Variants in TBRG1 observed in about 807,000 individuals in gnomAD.
The protein encoded by TBRG1 is nuclear interactor of ARF and MDM2.
A neutral mutation model predicts 44.0 loss-of-function variants in TBRG1; 31 were observed. That is an observed-to-expected ratio of 0.70 (90% CI 0.53 to 0.95). The LOEUF (loss-of-function observed/expected upper bound fraction) is 0.95. TBRG1 is among the 40% of genes least tolerant of loss of function. TBRG1 has a pLI of 0.00. For synonymous variants in TBRG1, 171 were observed against 188.1 expected, an observed-to-expected ratio of 0.91 and a Z score of 0.74; for missense variants, 487 against 496.1, an observed-to-expected ratio of 0.98 and a Z score of 0.18.
At chr11:124,629,047 A>G (rs1376268284) in intron 5 of TBRG1, among the ~76,000 whole-genome samples, 1 of 152,254 alleles carries the variant, frequency 6.6e-6, no homozygotes, top group East Asian at 1.9e-4. Context: ...CTTCAAGACT[A>G]AAGTATAACA....
intron 1 of TBRG1, 50 bp from the exon 2 acceptor site, chr11:124,624,879 ATG>A: frequency 8.6e-7 from 1 of 1,165,578 alleles, no homozygotes; most frequent in Non-Finnish European, 1.2e-6. Flanking sequence ...CAGCATAATA[ATG>A]TGATTTTTTT....
chr11:124,627,097 G>A (rs1414361075), intron 5 of TBRG1, 47 bp downstream of exon 5: 1 of 1,267,014 alleles, frequency 7.9e-7, no homozygotes, highest in East Asian at 2.5e-5. Context: ...AACCTTCTCT[G>A]TGCTAGGATA....
chr11:124,626,004 A>C lies in TBRG1; in HGVS notation c.454+101A>C, dbSNP rs531509413. 16 of 1,418,090 alleles carry C rather than the reference A, an allele frequency of 1.1e-5. No individual in the cohort carries two copies. The African/African-American group carries it at 1.7e-4, about 15-fold the overall frequency. 87.8% of individuals were successfully genotyped at this position (1,418,090 alleles called of 1,614,324 possible). A position where few individuals can be genotyped will look rare whatever the true frequency, so the allele number is the denominator to read the frequency against. On this transcript the variant is annotated intron_variant, in intron 3 of 8. Transcript: ENST00000441174. Reference sequence around the variant, plus strand: ...GACACACACAGCTGCAGATGTACTTAGAGTCTCATCTGGTTCTTAAGGAGC... The same window carrying C: ...GACACACACAGCTGCAGATGTACTTCGAGTCTCATCTGGTTCTTAAGGAGC...
intron 7 of TBRG1, 93 bp downstream of exon 7, chr11:124,630,948 T>A: frequency 4.2e-6 from 4 of 951,416 alleles, no homozygotes; most frequent in Non-Finnish European, 6.6e-6. Flanking sequence ...ACCTTCTGTG[T>A]CCAAAGCCTG....
At chr11:124,624,547 A>G (rs1942413720) in intron 1 of TBRG1, among the ~76,000 whole-genome samples, 1 of 152,152 alleles carries the variant, frequency 6.6e-6, no homozygotes, top group Admixed American at 6.5e-5. Flanking sequence ...TTTCATATTT[A>G]TAGTATTTAA....
At chr11:124,627,974 T>G (rs1204541185) in intron 5 of TBRG1, among the ~76,000 whole-genome samples, 1 of 150,444 alleles carries the variant, frequency 6.6e-6, no homozygotes, top group Non-Finnish European at 1.5e-5. Flanking sequence ...TTTTCTTTTT[T>G]AGGTCATTAA....
In TBRG1 at chr11:124,624,953, A is replaced by G; in HGVS notation, c.173A>G (p.Glu58Gly). The G allele has an allele frequency of 1.3e-6, 2 of 1,548,300 alleles. No individual in the cohort carries two copies. The highest frequency in any genetic ancestry group is 1.2e-5 in the South Asian group (1 of 83,134). ...AAGGAAAATGCTGCTATTTGTGATG[A>G]AATTGCTCGTCTTGAGGAAAAATTT... ...TVFENAAICD[E>G]IARLEEKFLK... Residue 58 changes from glutamate (E) to glycine (G), a missense_variant, in exon 2 of 9, where the codon GAA (glutamate) becomes GGA (glycine). By Grantham distance (98) the Glu-to-Gly change is moderately conservative. Transcript: ENST00000441174.
Position 124,630,453 on chromosome 11 carries a change from T to G in TBRG1, c.804T>G (p.His268Gln). 1 of 1,613,824 alleles carries G rather than the reference T, an allele frequency of 6.2e-7. No homozygotes were observed. The highest frequency in any genetic ancestry group is 1.1e-5 in the South Asian group (1 of 91,078). The stretch of plus-strand genomic sequence containing the variant: ...TCAGCTCTTCTGCAGATGCTTGTCA[T>G]GCAGAACTGCTCAGGACTATAAGCA... ...AIVSSSADAC[H>Q]AELLRTISTT... is the part of the protein sequence containing the mutation. Residue 268 changes from histidine to glutamine, a missense_variant, in exon 6 of 9, where the codon CAT (histidine) becomes CAG (glutamine). Coordinates refer to ENST00000441174, the MANE Select transcript of TBRG1 (RefSeq NM_032811.3).
rs1942673003 is a variant in TBRG1, at chr11:124,634,279, G to A, written c.*2041G>A. The A allele has an allele frequency of 6.6e-6, 1 of 152,384 alleles. No individual in the cohort carries two copies. Among genetic ancestry groups the A allele is most frequent in the Admixed American group, 6.5e-5 (1 of 15,294 alleles). 9.4% of individuals were successfully genotyped at this position (152,384 alleles called of 1,614,324 possible). On this transcript the variant is annotated 3_prime_UTR_variant, in exon 9 of 9. Transcript: ENST00000441174. Reference sequence around the variant, plus strand: ...GAACCCGGGAGGCAGAGGTTGCAGTGAGCCGAGACCGCGCCACTGCACTCC... The same window carrying A: ...GAACCCGGGAGGCAGAGGTTGCAGTAAGCCGAGACCGCGCCACTGCACTCC...
At position 124,632,378 on chromosome 11, in the gene TBRG1, T is replaced by A; in HGVS notation, c.*140T>A. 1.7e-6 allele frequency: 1 copy of A among 587,174 alleles called. No individual in the cohort carries two copies. The highest frequency in any genetic ancestry group is 2.8e-6 in the Non-Finnish European group (1 of 353,902). The allele number at this position is 587,174 out of a possible 1,614,324, so 36.4% of individuals were successfully genotyped here. On this transcript the variant is annotated 3_prime_UTR_variant, in exon 9 of 9. Transcript: ENST00000441174. ...TTCATCATGGAAGGTCCTGTGGTGATGGTTTTCCCTGGGAAAACCTTCAGC... is the reference window on the plus strand; with the variant it reads ...TTCATCATGGAAGGTCCTGTGGTGAAGGTTTTCCCTGGGAAAACCTTCAGC...
In TBRG1 at chr11:124,622,999, C is replaced by G; in HGVS notation, c.-85C>G. 2.9e-6 allele frequency: 4 copies of G among 1,391,920 alleles called. No homozygotes were observed. The highest frequency in any genetic ancestry group is 1.5e-5 in the South Asian group (1 of 67,132). The allele number at this position is 1,391,920 out of a possible 1,614,324, so 86.2% of individuals were successfully genotyped here. A position where few individuals can be genotyped will look rare whatever the true frequency, so the allele number is the denominator to read the frequency against. The stretch of plus-strand genomic sequence containing the variant: ...GAGGCCCGATTCCGCTAGCCCGGAA[C>G]AGACAAAGCCAGCGCTCCCGCCCGC... On this transcript the variant is annotated 5_prime_UTR_variant, in exon 1 of 9. Coordinates refer to ENST00000441174, the MANE Select transcript of TBRG1 (RefSeq NM_032811.3).
intron 1 of TBRG1, among the ~76,000 whole-genome samples, chr11:124,623,665 G>C (rs1258959421): frequency 1.3e-5 from 2 of 152,276 alleles, no homozygotes; most frequent in African/African-American, 2.4e-5. Flanking sequence ...AGATAAACCT[G>C]ATTCCGTTTT....
rs1942475524 is a variant in TBRG1, at chr11:124,626,583, G to T, written c.565G>T (p.Gly189Cys). Residue 189 changes from glycine to cysteine, a missense_variant, in exon 4 of 9, where the codon GGT becomes TGT. Gly to Cys is a radical substitution (Grantham distance 159, BLOSUM62 -3). Coordinates refer to ENST00000441174, the MANE Select transcript of TBRG1 (RefSeq NM_032811.3). ...GCCTGTGTTCCCCATCGGACTAGGG[G>T]GTCTAACAGTATATAGCCTGGGGGA... ...GRPVFPIGLG[G>C]LTVYSLGEII... 6.4e-7 allele frequency: 1 copy of T among 1,551,606 alleles called. No homozygotes were observed. The highest frequency in any genetic ancestry group is 8.7e-7 in the Non-Finnish European group (1 of 1,146,926).
chr11:124,625,726 G>A lies in TBRG1; in HGVS notation c.277G>A (p.Ala93Thr). Reference sequence around the variant, plus strand: ...GGCTCTAACTGAAGGGGAAGTACAGGCTGCAGCTCCTTCCCACAGTTCCAG... The same window carrying A: ...GGCTCTAACTGAAGGGGAAGTACAGACTGCAGCTCCTTCCCACAGTTCCAG... Reference protein sequence around the residue: ...LQALTEGEVQAAAPSHSSSLP... With the variant: ...LQALTEGEVQTAAPSHSSSLP... The change falls in exon 3 of 9, where the codon GCT (alanine) becomes ACT (threonine). Residue 93 changes from alanine (A) to threonine (T), a missense_variant. Ala to Thr is a moderately conservative substitution (Grantham distance 58, BLOSUM62 0). Coordinates refer to ENST00000441174, the MANE Select transcript of TBRG1 (RefSeq NM_032811.3). 6.4e-7 allele frequency: 1 copy of A among 1,556,884 alleles called. No individual in the cohort carries two copies. The highest frequency in any genetic ancestry group is 2.4e-5 in the East Asian group (1 of 41,594).
At chr11:124,625,075 C>T (rs1218413345) in intron 2 of TBRG1, 74 bp downstream of exon 2, 2 of 1,056,022 alleles carry the variant, frequency 1.9e-6, no homozygotes, top group African/African-American at 1.6e-5. Context: ...GGTGTTACTG[C>T]TCTGGAGACT....
In TBRG1 at chr11:124,631,399, A is replaced by C; in HGVS notation, c.1072A>C (p.Asn358His). 6.2e-7 allele frequency: 1 copy of C among 1,613,990 alleles called. No homozygotes were observed. Among genetic ancestry groups the C allele is most frequent in the Non-Finnish European group, 8.5e-7 (1 of 1,179,876 alleles). Residue 358 changes from asparagine to histidine, a missense_variant, in exon 8 of 9, where the codon AAT becomes CAT. Coordinates refer to ENST00000441174, the MANE Select transcript of TBRG1 (RefSeq NM_032811.3). ...GAGACAGATCTTTGATGAAGATCAG[A>C]ATGATCCCCTTCTGCCAGGTATCTT... is the stretch of plus-strand genomic sequence containing the variant. ...FQRQIFDEDQ[N>H]DPLLPGSLDL...
At chr11:124,630,681 G>C in intron 6 of TBRG1, 64 bp from the exon 7 acceptor site, 1 of 1,248,576 alleles carries the variant, frequency 8.0e-7, no homozygotes, top group Non-Finnish European at 1.2e-6. Flanking sequence ...CCACTATTCT[G>C]TTCTTAAATC....
chr11:124,630,933 C>G (rs1942596427), intron 7 of TBRG1, 78 bp downstream of exon 7: 4 of 1,063,612 alleles, frequency 3.8e-6, no homozygotes, highest in Non-Finnish European at 5.7e-6. Flanking sequence ...CTACTTTGTT[C>G]ACTGACCTTC....
rs1942476899 is a variant in TBRG1 at position 124,626,618 on chromosome 11, G to A, written c.591+9G>A. On this transcript the variant is annotated intron_variant, in intron 4 of 8. Coordinates refer to ENST00000441174, the MANE Select transcript of TBRG1 (RefSeq NM_032811.3). ...TATATAGCCTGGGGGAGGTGAGTGA[G>A]ACCAGCGATATATAGAGAGGAGAAT... 2.6e-6 allele frequency: 4 copies of A among 1,551,560 alleles called. No homozygotes were observed. In the East Asian group the frequency reaches 9.8e-5, roughly 38 times the overall value.
Sources: allele counts gnomAD v4.1 joint callset (sites outside exome capture counted in the v4.1 genomes callset), GRCh38; gene constraint gnomAD v4.1.1; transcripts MANE v1.5; gene names NCBI Gene and HGNC (gene_info 2026-07-23, HGNC 2026-07-21).